The following UGT1A5 variants were observed in gnomAD, a reference collection of about 807,000 sequenced individuals.
The protein encoded by UGT1A5 is UDP glucuronosyltransferase family 1 member A5.
UGT1A5 carries 29 observed loss-of-function variants against 40.3 expected under a neutral mutation model. The ratio of observed to expected loss-of-function variants is 0.72; its 90% CI spans 0.54 to 0.98. The LOEUF is 0.98. Among genes scored for constraint, UGT1A5 ranks in the 50% least tolerant of loss-of-function variants. UGT1A5 has a pLI of 0.00. For synonymous variants in UGT1A5, 257 were observed against 262.5 expected (o/e 0.98, Z 0.20); for missense variants, 678 against 677.9 (o/e 1.00, Z 0.00).
chr2:233,716,198 G>C (rs2076491281), intron 1 of UGT1A5, among the ~76,000 whole-genome samples: 1 of 152,026 alleles, frequency 6.6e-6, no homozygotes, highest in African/African-American at 2.4e-5. Context: ...TCTTACATCT[G>C]TCTCTTTCAC....
chr2:233,724,563 G>A, intron 1 of UGT1A5, among the ~76,000 whole-genome samples: 1 of 129,616 alleles, frequency 7.7e-6, no homozygotes, highest in Non-Finnish European at 1.6e-5. Flanking sequence ...CCCAGATGGG[G>A]CGGCGGGGCA....
intron 1 of UGT1A5, chr2:233,750,593 G>A (rs978024854): frequency 2.0e-5 from 3 of 152,058 alleles, no homozygotes; most frequent in Admixed American, 6.5e-5. Context: ...GGAGGCCTAG[G>A]AAGGAAAAAT....
chr2:233,746,436 G>C (rs1200457799), intron 1 of UGT1A5, among the ~76,000 whole-genome samples: 1 of 151,690 alleles, frequency 6.6e-6, no homozygotes, highest in Non-Finnish European at 1.5e-5. Context: ...TATGTCTTCA[G>C]CTTAAAAAGA....
rs777601918 is a variant in UGT1A5, at chr2:233,713,151, A to G, written c.160A>G (p.Arg54Gly). ...MREALRDLHARGHQVVVLTLE... is the reference protein window; with the variant it reads ...MREALRDLHAGGHQVVVLTLE... ...GGAGGCCTTGCGGGACCTCCATGCGAGAGGCCACCAGGTGGTGGTCCTCAC... is the reference window on the plus strand; with the variant it reads ...GGAGGCCTTGCGGGACCTCCATGCGGGAGGCCACCAGGTGGTGGTCCTCAC... The change falls in exon 1 of 5, where the codon AGA becomes GGA. Residue 54 changes from arginine (R) to glycine (G), a missense_variant. By Grantham distance (125) the Arg-to-Gly change is moderately radical. Coordinates refer to ENST00000373414, the MANE Select transcript of UGT1A5 (RefSeq NM_019078.2). 26 of 1,614,124 alleles carry G rather than the reference A, an allele frequency of 1.6e-5. No individual in the cohort carries two copies. Among genetic ancestry groups the G allele is most frequent in the Non-Finnish European group, 2.2e-5 (26 of 1,180,052 alleles).
rs1184503727 is a variant in UGT1A5 at position 233,769,814 on chromosome 2, C to T, written c.1307+1375C>T. 17 of 933,346 alleles carry T rather than the reference C, an allele frequency of 1.8e-5. No homozygotes were observed. Among genetic ancestry groups the T allele is most frequent in the African/African-American group, 1.7e-5 (1 of 59,148 alleles). The allele number at this position is 933,346 out of a possible 1,614,324, so 57.8% of individuals were successfully genotyped here. Reference sequence around the variant, plus strand: ...AGGCTGCTATGAGCCGTGATCATGCCACTGCACTCCAGCAACCTGGGCAAC... The same window carrying T: ...AGGCTGCTATGAGCCGTGATCATGCTACTGCACTCCAGCAACCTGGGCAAC... On this transcript the variant is annotated intron_variant, in intron 4 of 4. Coordinates refer to ENST00000373414, the MANE Select transcript of UGT1A5 (RefSeq NM_019078.2). The surrounding 1 kb of genome is among the most constrained non-coding windows in gnomAD (Gnocchi z 4.4).
chr2:233,722,779 T>A (rs1468738434), intron 1 of UGT1A5, among the ~76,000 whole-genome samples: 1 of 152,134 alleles, frequency 6.6e-6, no homozygotes, highest in Non-Finnish European at 1.5e-5. Flanking sequence ...TCTGATATTG[T>A]TAATAATTTT....
At chr2:233,749,490 C>A (rs1026732516) in intron 1 of UGT1A5, among the ~76,000 whole-genome samples, 4 of 151,770 alleles carry the variant, frequency 2.6e-5, no homozygotes, top group Non-Finnish European at 5.9e-5. Flanking sequence ...TCTTGCTATG[C>A]CCCTTAGAGA....
At chr2:233,757,033 A>T (rs1308821076) in intron 1 of UGT1A5, among the ~76,000 whole-genome samples, 1 of 151,746 alleles carries the variant, frequency 6.6e-6, no homozygotes, top group African/African-American at 2.4e-5. Flanking sequence ...CAATTTGAGA[A>T]CATCAAAGGA....
intron 1 of UGT1A5, chr2:233,718,893 T>C (rs1280624543): frequency 6.2e-7 from 1 of 1,613,958 alleles, no homozygotes; most frequent in East Asian, 2.2e-5. Context: ...TGTCCAGCCC[T>C]GGGCTGAGAG....
intron 1 of UGT1A5, among the ~76,000 whole-genome samples, chr2:233,725,249 G>GGCA (rs1424626643): frequency 6.2e-5 from 3 of 48,540 alleles, no homozygotes; most frequent in African/African-American, 3.4e-4. Flanking sequence ...CAGAGGCAGA[G>GGCA]GAGGCAGAGG....
chr2:233,721,416 C>T, intron 1 of UGT1A5: 1 of 156,014 alleles, frequency 6.4e-6, no homozygotes, highest in Non-Finnish European at 1.4e-5. Flanking sequence ...GGACAGGTAC[C>T]CTAAGCATTG....
Position 233,772,820 on chromosome 2 carries a change from C to A in UGT1A5, c.*261C>A. On this transcript the variant is annotated 3_prime_UTR_variant, in exon 5 of 5. Coordinates refer to ENST00000373414, the MANE Select transcript of UGT1A5 (RefSeq NM_019078.2). ...TGCCATTTTTCAGAGGACGTGCAGACAGGCTGGCATTCTAGATTACTTTTC... is the reference window on the plus strand; with the variant it reads ...TGCCATTTTTCAGAGGACGTGCAGAAAGGCTGGCATTCTAGATTACTTTTC... 1 of 980,890 alleles carries A rather than the reference C, an allele frequency of 1.0e-6. No individual in the cohort carries two copies. The highest frequency in any genetic ancestry group is 1.4e-6 in the Non-Finnish European group (1 of 712,708). 60.8% of individuals were successfully genotyped at this position (980,890 alleles called of 1,614,324 possible).
intron 1 of UGT1A5, chr2:233,747,139 T>C: frequency 6.4e-7 from 1 of 1,552,428 alleles, no homozygotes; most frequent in East Asian, 2.3e-5. Flanking sequence ...AGTGACAAGG[T>C]AATTAAGATG....
At chr2:233,743,603 C>T (rs1273601432) in intron 1 of UGT1A5, 1 of 1,367,314 alleles carries the variant, frequency 7.3e-7, no homozygotes, top group East Asian at 4.6e-5. Context: ...GTCCTGGCCG[C>T]CGAAGAACTC....
chr2:233,714,484 G>C (rs1019190472), intron 1 of UGT1A5, among the ~76,000 whole-genome samples: 1 of 152,166 alleles, frequency 6.6e-6, no homozygotes, highest in Admixed American at 6.5e-5. Context: ...AATGTTTCTT[G>C]TGAAGACACT....
intron 1 of UGT1A5, among the ~76,000 whole-genome samples, chr2:233,720,300 G>A (rs2076846492): frequency 6.6e-6 from 1 of 152,266 alleles, no homozygotes. Context: ...GGAGTTGGGG[G>A]TCTGGTGTAT....
At chr2:233,772,210 A>T in intron 4 of UGT1A5, 52 bp from the exon 5 acceptor site, 1 of 1,610,530 alleles carries the variant, frequency 6.2e-7, no homozygotes, top group Non-Finnish European at 8.5e-7. Flanking sequence ...TAAAGAGAGG[A>T]TTGTTCATAC....
Position 233,772,456 on chromosome 2 carries a change from T to C in UGT1A5, c.1502T>C (p.Leu501Pro), listed in dbSNP as rs763440969. ...ATTGGTTTCCTCTTGGCCGTCGTGCTGACAGTGGCCTTCATCACCTTTAAA... is the reference window on the plus strand; with the variant it reads ...ATTGGTTTCCTCTTGGCCGTCGTGCCGACAGTGGCCTTCATCACCTTTAAA... ...DVIGFLLAVV[L>P]TVAFITFKCC... Residue 501 changes from leucine to proline, a missense_variant, in exon 5 of 5, where the codon CTG (leucine) becomes CCG (proline). Physicochemically the swap from Leu to Pro is moderately conservative, Grantham distance 98. Coordinates refer to ENST00000373414, the MANE Select transcript of UGT1A5 (RefSeq NM_019078.2). The C allele has an allele frequency of 4.3e-6, 7 of 1,614,218 alleles. No individual in the cohort carries two copies. The highest frequency in any genetic ancestry group is 5.9e-6 in the Non-Finnish European group (7 of 1,180,044).
intron 1 of UGT1A5, chr2:233,755,092 ACGC>A (rs1418876721): frequency 2.2e-6 from 3 of 1,335,040 alleles, no homozygotes; most frequent in Non-Finnish European, 3.0e-6. Flanking sequence ...TCGCGTTTCT[ACGC>A]GTCCGACAAC....
Sources: allele counts gnomAD v4.1 joint callset (sites outside exome capture counted in the v4.1 genomes callset), GRCh38; gene constraint gnomAD v4.1.1; non-coding constraint Gnocchi (gnomAD v3.1); transcripts MANE v1.5; gene names NCBI Gene and HGNC (gene_info 2026-07-23, HGNC 2026-07-21).